TBC1D5: variants seen among roughly 807,000 people sequenced by gnomAD.
TBC1D5 encodes TBC1 domain family, member 5.
In TBC1D5, 75 loss-of-function variants were observed where a neutral mutation model predicts 100.3. The observed-to-expected ratio is 0.75, with a 90% CI of 0.62 to 0.91. The LOEUF is 0.91. TBC1D5 is among the 40% of genes least tolerant of loss of function. The pLI, the probability that TBC1D5 is intolerant of heterozygous loss-of-function variation, is 0.00. For synonymous variants in TBC1D5, 323 were observed against 325.6 expected (o/e 0.99, Z 0.09); for missense variants, 910 against 942.4 (o/e 0.97, Z 0.45).
intron 8 of TBC1D5, among the ~76,000 whole-genome samples, chr3:17,400,708 A>T (rs1338223864): frequency 6.6e-6 from 1 of 152,140 alleles, no homozygotes; most frequent in Non-Finnish European, 1.5e-5. Flanking sequence ...GATGGGCACC[A>T]TCTAATCAGC....
chr3:17,464,013 G>A (rs149757234), intron 3 of TBC1D5, among the ~76,000 whole-genome samples: 223 of 141,128 alleles, frequency 1.6e-3, no homozygotes, highest in Middle Eastern at 7.1e-3. Context: ...GTGCCACGGC[G>A]CGATCTTGGC....
At chr3:17,487,390 C>T (rs1559998404) in intron 3 of TBC1D5, among the ~76,000 whole-genome samples, 1 of 152,042 alleles carries the variant, frequency 6.6e-6, no homozygotes, top group Non-Finnish European at 1.5e-5. Flanking sequence ...ACAATATTTC[C>T]AATCCAAAAT....
intron 16 of TBC1D5, among the ~76,000 whole-genome samples, chr3:17,255,777 G>A (rs1269872700): frequency 2.6e-5 from 4 of 152,016 alleles, no homozygotes; most frequent in African/African-American, 9.7e-5. Context: ...AGTGGCTCAC[G>A]CCTGCAATCC....
At chr3:17,366,737 T>C (rs1190354822) in intron 13 of TBC1D5, among the ~76,000 whole-genome samples, 1 of 152,144 alleles carries the variant, frequency 6.6e-6, no homozygotes, top group East Asian at 1.9e-4. Context: ...TACCAATATG[T>C]TTATACTTCA....
intron 18 of TBC1D5, among the ~76,000 whole-genome samples, chr3:17,208,244 T>G (rs1387754650): frequency 2.0e-5 from 3 of 152,220 alleles, no homozygotes; most frequent in Non-Finnish European, 4.4e-5. Context: ...GTTGGAAGCT[T>G]AGAAGCTTAG....
At chr3:17,616,347 A>G (rs2062150872) in intron 2 of TBC1D5, among the ~76,000 whole-genome samples, 1 of 152,184 alleles carries the variant, frequency 6.6e-6, no homozygotes. Flanking sequence ...TATGGTGCTT[A>G]GAAGAATGCA....
At chr3:17,351,455 C>A (rs2090571547) in intron 13 of TBC1D5, among the ~76,000 whole-genome samples, 1 of 152,170 alleles carries the variant, frequency 6.6e-6, no homozygotes, top group Non-Finnish European at 1.5e-5. Context: ...TGGAAACCAT[C>A]ATTCTCAGCA....
Position 17,271,926 on chromosome 3 carries a change from T to G in TBC1D5, c.1246-13335A>C, listed in dbSNP as rs1277741723. ...TACAAGACGACCATCTGCAACCCAG[T>G]CATTAGACTTTCCAAGGCCAATGTG... On this transcript the variant is annotated intron_variant, in intron 15 of 21. Coordinates refer to ENST00000253692, the Ensembl canonical transcript of TBC1D5. Among the ~76,000 whole-genome samples the G allele has an allele frequency of 2.6e-5, 4 of 152,172 alleles. No homozygotes were observed. The East Asian group carries it at 5.8e-4, about 22-fold the overall frequency.
At chr3:17,312,504 G>T (rs1359120045) in intron 13 of TBC1D5, among the ~76,000 whole-genome samples, 2 of 152,088 alleles carry the variant, frequency 1.3e-5, no homozygotes, top group Non-Finnish European at 2.9e-5. Flanking sequence ...ATTCCAATTT[G>T]CTTTCTAAGT....
chr3:17,359,507 G>C (rs1575514434), intron 13 of TBC1D5, among the ~76,000 whole-genome samples: 1 of 151,970 alleles, frequency 6.6e-6, no homozygotes, highest in Non-Finnish European at 1.5e-5. Context: ...ATGCATACTG[G>C]TGATCTCAAA....
intron 3 of TBC1D5, among the ~76,000 whole-genome samples, chr3:17,431,919 G>T (rs2094453331): frequency 6.6e-6 from 1 of 152,054 alleles, no homozygotes; most frequent in African/African-American, 2.4e-5. Context: ...CTAAAGGGAG[G>T]TTTACAATAG....
intron 13 of TBC1D5, among the ~76,000 whole-genome samples, chr3:17,355,242 C>T (rs2091100367): frequency 6.6e-6 from 1 of 152,138 alleles, no homozygotes; most frequent in African/African-American, 2.4e-5. Context: ...GCTATAGTAG[C>T]CCAGGGTGCT....
intron 1 of TBC1D5, among the ~76,000 whole-genome samples, chr3:17,735,944 G>C (rs1194451975): frequency 6.6e-6 from 1 of 152,180 alleles, no homozygotes; most frequent in Admixed American, 6.5e-5. Flanking sequence ...GACCCAAAGG[G>C]GGTTGCCGCT....
intron 1 of TBC1D5, among the ~76,000 whole-genome samples, chr3:17,702,515 A>G (rs1464841102): frequency 6.6e-6 from 1 of 152,146 alleles, no homozygotes; most frequent in Admixed American, 6.5e-5. Context: ...ACAGAAAAGG[A>G]TACATAAATT....
chr3:17,238,461 G>T, intron 16 of TBC1D5, 42 bp from the exon 17 acceptor site: 3 of 1,573,560 alleles, frequency 1.9e-6, no homozygotes, highest in Non-Finnish European at 2.6e-6. Context: ...TACATTAGAG[G>T]ATGATTCTAT....
At chr3:17,229,161 T>C (rs78800555) in intron 17 of TBC1D5, among the ~76,000 whole-genome samples, 3,594 of 151,966 alleles carry the variant, frequency 0.024, 133 homozygotes, top group African/African-American at 0.08. Context: ...ATAACCTAGA[T>C]AAGCAGAAAG....
chr3:17,338,352 G>A (rs1162255924), intron 13 of TBC1D5: 1 of 152,164 alleles, frequency 6.6e-6, no homozygotes, highest in East Asian at 1.9e-4. Flanking sequence ...TCAAAACTAT[G>A]ACTACTTATA....
intron 2 of TBC1D5, among the ~76,000 whole-genome samples, chr3:17,516,783 C>T (rs530172050): frequency 1.4e-3 from 218 of 152,272 alleles, no homozygotes; most frequent in Middle Eastern, 3.4e-3. Flanking sequence ...AACTAAACAT[C>T]GCTCTGGGAA....
intron 13 of TBC1D5, among the ~76,000 whole-genome samples, chr3:17,328,275 TAA>T (rs201518364): frequency 0.093 from 13,304 of 142,456 alleles, 1,322 homozygotes; most frequent in African/African-American, 0.26. Context: ...TCTCTTTATT[TAA>T]AAAAAAAAAA....
Sources: allele counts gnomAD v4.1 joint callset (sites outside exome capture counted in the v4.1 genomes callset), GRCh38; gene constraint gnomAD v4.1.1; transcripts MANE v1.5; gene names NCBI Gene and HGNC (gene_info 2026-07-23, HGNC 2026-07-21).